Variants in PDSS2 observed in about 807,000 individuals in gnomAD.
PDSS2 encodes the protein decaprenyl diphosphate synthase subunit 2.
In PDSS2, 31 loss-of-function variants were observed where a neutral mutation model predicts 44.5. The ratio of observed to expected loss-of-function variants is 0.70; its 90% confidence interval spans 0.52 to 0.94. The LOEUF is 0.94. Ranked by LOEUF, PDSS2 falls within the 40% of genes least tolerant of loss-of-function variation. PDSS2 has a pLI of 0.00. For synonymous variants in PDSS2, 157 were observed against 180.3 expected (o/e 0.87, Z 1.03); for missense variants, 452 against 482.2 (o/e 0.94, Z 0.59).
intron 1 of PDSS2, among the ~76,000 whole-genome samples, chr6:107,377,578 C>T (rs1291366888): frequency 2.0e-5 from 3 of 152,162 alleles, no homozygotes; most frequent in Admixed American, 2.0e-4. Flanking sequence ...TATAAAGACA[C>T]ACGCACACAT....
chr6:107,312,288 G>A (rs147259922), intron 2 of PDSS2, among the ~76,000 whole-genome samples: 42 of 152,214 alleles, frequency 2.8e-4, no homozygotes, highest in Admixed American at 1.0e-3. Context: ...GGCTATGTTG[G>A]ATTTGTCCTT....
chr6:107,235,401 T>C (rs1278425259), intron 4 of PDSS2, among the ~76,000 whole-genome samples: 3 of 152,084 alleles, frequency 2.0e-5, no homozygotes, highest in African/African-American at 2.4e-5. Context: ...GTTCCACAAG[T>C]CAGAGTAAAA....
rs112750511 is a variant in PDSS2 at position 107,427,222 on chromosome 6, C to T, written c.296+31768G>A. Among the ~76,000 whole-genome samples the T allele has an allele frequency of 9.4e-3, 1,438 of 152,218 alleles. 17 individuals are homozygous for T. Among genetic ancestry groups the T allele is most frequent in the African/African-American group, 0.03 (1,227 of 41,528 alleles). ...CTCACGAGATCTGATGTTTTAAAAA[C>T]GGGAGTTTACCTGCACAATCTCTTT... On this transcript the variant is annotated intron_variant, in intron 1 of 7. Coordinates refer to ENST00000369037, the MANE Select transcript of PDSS2 (RefSeq NM_020381.4).
At chr6:107,215,268 T>A (rs1404427243) in intron 4 of PDSS2, among the ~76,000 whole-genome samples, 2 of 152,112 alleles carry the variant, frequency 1.3e-5, no homozygotes, top group Non-Finnish European at 2.9e-5. Flanking sequence ...GGCTCACACC[T>A]GTAATCGTAG....
At chr6:107,349,716 T>C (rs1778374731) in intron 1 of PDSS2, among the ~76,000 whole-genome samples, 1 of 152,140 alleles carries the variant, frequency 6.6e-6, no homozygotes, top group African/African-American at 2.4e-5. Context: ...GCCATTGCAC[T>C]CCAGCCTGGG....
chr6:107,186,872 C>T (rs1289338154), intron 7 of PDSS2, among the ~76,000 whole-genome samples: 1 of 152,194 alleles, frequency 6.6e-6, no homozygotes, highest in Non-Finnish European at 1.5e-5. Flanking sequence ...ATACCTATCA[C>T]TTGGAAATAA....
intron 7 of PDSS2, among the ~76,000 whole-genome samples, chr6:107,168,915 TC>T (rs1554248029): frequency 6.6e-6 from 1 of 152,168 alleles, no homozygotes; most frequent in East Asian, 1.9e-4. Flanking sequence ...TAACATTTTT[TC>T]CTTCATTTCA....
chr6:107,305,059 A>G (rs1776812676), intron 2 of PDSS2, among the ~76,000 whole-genome samples: 1 of 152,154 alleles, frequency 6.6e-6, no homozygotes, highest in Non-Finnish European at 1.5e-5. Flanking sequence ...CAGAGCAGAA[A>G]GGTCTACTGA....
chr6:107,406,957 A>ACACT (rs1780340101), intron 1 of PDSS2, among the ~76,000 whole-genome samples: 1 of 152,234 alleles, frequency 6.6e-6, no homozygotes, highest in African/African-American at 2.4e-5. Flanking sequence ...GAAGTCAGTG[A>ACACT]GGAGAATGAA....
At chr6:107,162,320 C>G (rs181288990) in intron 7 of PDSS2, among the ~76,000 whole-genome samples, 2 of 151,900 alleles carry the variant, frequency 1.3e-5, no homozygotes, top group African/African-American at 4.8e-5. Flanking sequence ...CATGGTGTAA[C>G]CCCATCTCTA....
intron 2 of PDSS2, among the ~76,000 whole-genome samples, chr6:107,314,101 G>A (rs1777130910): frequency 6.6e-6 from 1 of 152,162 alleles, no homozygotes; most frequent in Non-Finnish European, 1.5e-5. Flanking sequence ...CTGGGTGACA[G>A]AGAGAGATCC....
At chr6:107,273,966 C>A in intron 3 of PDSS2, 63 bp downstream of exon 3, 1 of 1,316,520 alleles carries the variant, frequency 7.6e-7, no homozygotes, top group Non-Finnish European at 1.1e-6. Context: ...ACCTGCAGCT[C>A]CAGCAGCCAA....
chr6:107,359,004 GCT>G (rs1491312892), intron 1 of PDSS2, among the ~76,000 whole-genome samples: 108 of 90,676 alleles, frequency 1.2e-3, no homozygotes, highest in African/African-American at 4.3e-3. Flanking sequence ...TAGCATTCTC[GCT>G]CTTTTTTTTT....
intron 4 of PDSS2, among the ~76,000 whole-genome samples, chr6:107,222,282 G>A (rs1233255331): frequency 1.3e-5 from 2 of 152,078 alleles, no homozygotes; most frequent in Non-Finnish European, 2.9e-5. Flanking sequence ...TATCTCCTGG[G>A]AGCTAACTAT....
chr6:107,277,060 A>G (rs1775808283), intron 2 of PDSS2, among the ~76,000 whole-genome samples: 1 of 152,226 alleles, frequency 6.6e-6, no homozygotes, highest in Non-Finnish European at 1.5e-5. Context: ...TACACAATAG[A>G]TAACTAACAG....
chr6:107,178,111 A>T (rs1771856850), intron 7 of PDSS2, among the ~76,000 whole-genome samples: 2 of 152,208 alleles, frequency 1.3e-5, no homozygotes, highest in African/African-American at 4.8e-5. Context: ...ATCATCATCC[A>T]TGTGATCCTA....
At chr6:107,162,992 C>G (rs1771203292) in intron 7 of PDSS2, among the ~76,000 whole-genome samples, 2 of 152,130 alleles carry the variant, frequency 1.3e-5, no homozygotes, top group Non-Finnish European at 2.9e-5. Context: ...TTTTATTTAA[C>G]CATATTTTTA....
intron 3 of PDSS2, among the ~76,000 whole-genome samples, chr6:107,254,019 TTTTCTTTC>T (rs1211544556): frequency 6.6e-6 from 1 of 150,956 alleles, no homozygotes; most frequent in Non-Finnish European, 1.5e-5. Context: ...TTTCTTTTCT[TTTTCTTTC>T]TTTCTTTCTT....
At chr6:107,444,136 T>C (rs1285243257) in intron 1 of PDSS2, among the ~76,000 whole-genome samples, 1 of 152,080 alleles carries the variant, frequency 6.6e-6, no homozygotes. Flanking sequence ...CAAGTGATCC[T>C]CTCTCTTCAG....
Sources: allele counts gnomAD v4.1 joint callset (sites outside exome capture counted in the v4.1 genomes callset), GRCh38; gene constraint gnomAD v4.1.1; transcripts MANE v1.5; gene names NCBI Gene and HGNC (gene_info 2026-07-23, HGNC 2026-07-21).